Variants in SUGCT observed in about 807,000 individuals in gnomAD.
SUGCT encodes succinyl-CoA:glutarate-CoA transferase.
In SUGCT, 41 loss-of-function variants were observed where a neutral mutation model predicts 55.0. The ratio of observed to expected loss-of-function variants is 0.74; its 90% CI spans 0.58 to 0.97. The LOEUF (loss-of-function observed/expected upper bound fraction) is 0.97, where lower values mean the gene tolerates loss of function less well. Among genes scored for constraint, SUGCT ranks in the 50% least tolerant of loss-of-function variants. The pLI is 0.00. For synonymous variants in SUGCT, 187 were observed against 200.4 expected (o/e 0.93, Z 0.56); for missense variants, 568 against 547.8 (o/e 1.04, Z -0.37).
intron 1 of SUGCT, among the ~76,000 whole-genome samples, chr7:40,157,732 A>T (rs1783966624): frequency 6.6e-6 from 1 of 152,170 alleles, no homozygotes; most frequent in South Asian, 2.1e-4. Context: ...GGCTACTAAT[A>T]GTGGAAAAGT....
At position 40,441,851 on chromosome 7, in the gene SUGCT, A is replaced by G. The variant is rs145772440; in HGVS notation, c.817-7436A>G. On this transcript the variant is annotated intron_variant, in intron 9 of 13. Coordinates refer to ENST00000335693, the MANE Select transcript of SUGCT (RefSeq NM_001193313.2). ...TAATTTGGCAGGCTGAGGGAGAGGGATTTGGTGCTGCTGATTGGTTGGGGA... is the reference window on the plus strand; with the variant it reads ...TAATTTGGCAGGCTGAGGGAGAGGGGTTTGGTGCTGCTGATTGGTTGGGGA... Among the ~76,000 whole-genome samples the G allele has an allele frequency of 2.5e-3, 384 of 152,060 alleles. 1 individual carries two copies. The highest frequency in any genetic ancestry group is 4.0e-3 in the Non-Finnish European group (271 of 67,976).
the SUGCT span, among the ~76,000 whole-genome samples, chr7:40,927,251 T>G: frequency 1.4e-4 from 21 of 152,184 alleles, no homozygotes; most frequent in African/African-American, 4.8e-4. Flanking sequence ...AAAGATAAAA[T>G]AAATTGATTT....
At position 40,682,121 on chromosome 7, in the gene SUGCT, C is replaced by T. The variant is rs1474282281; in HGVS notation, c.1090-67313C>T. ...GGCTAGCTAGGTGCCTGGAATTTCC[C>T]TTGAAGGAGCTCAGGATTTTCCTTT... is the stretch of plus-strand genomic sequence containing the variant. On this transcript the variant is annotated intron_variant, in intron 12 of 13. Transcript: ENST00000335693. Among the ~76,000 whole-genome samples, 4 of 152,172 alleles carry T rather than the reference C, an allele frequency of 2.6e-5. No individual in the cohort carries two copies. In the South Asian group the frequency reaches 6.2e-4, roughly 24 times the overall value.
chr7:40,827,568 T>A (rs1391499409), intron 13 of SUGCT, among the ~76,000 whole-genome samples: 1 of 152,056 alleles, frequency 6.6e-6, no homozygotes, highest in South Asian at 2.1e-4. Flanking sequence ...AGCTCTTAAT[T>A]CCAGCGAAAG....
At chr7:40,989,538 G>A in the SUGCT span, among the ~76,000 whole-genome samples, 1 of 151,806 alleles carries the variant, frequency 6.6e-6, no homozygotes, top group Admixed American at 6.6e-5. Context: ...AGGCCAATGT[G>A]AGCTGATCAC....
At chr7:40,314,114 T>C (rs10278370) in intron 8 of SUGCT, among the ~76,000 whole-genome samples, 85,412 of 151,942 alleles carry the variant, frequency 0.56, 25,356 homozygotes, top group Non-Finnish European at 0.67. Context: ...AAGTCAAAAA[T>C]TGAAAAGAAA....
intron 12 of SUGCT, among the ~76,000 whole-genome samples, chr7:40,680,877 AG>A (rs1784206168): frequency 6.6e-6 from 1 of 152,188 alleles, no homozygotes; most frequent in Non-Finnish European, 1.5e-5. Flanking sequence ...ATGAGTAATG[AG>A]ATGAAGCACC....
chr7:40,754,394 T>C (rs1788156279), intron 13 of SUGCT, among the ~76,000 whole-genome samples: 1 of 152,172 alleles, frequency 6.6e-6, no homozygotes, highest in Non-Finnish European at 1.5e-5. Flanking sequence ...TGCTCTTAAT[T>C]AATATAACCT....
chr7:40,802,141 A>G (rs1790852612), intron 13 of SUGCT, among the ~76,000 whole-genome samples: 1 of 152,240 alleles, frequency 6.6e-6, no homozygotes, highest in Non-Finnish European at 1.5e-5. Context: ...TAGACTATGG[A>G]ATAGTCTCAC....
At position 40,858,253 on chromosome 7, in the gene SUGCT, A is replaced by T. The variant is rs1035843937; in HGVS notation, c.1154-2063A>T. On this transcript the variant is annotated intron_variant, in intron 13 of 13. Transcript: ENST00000335693. ...ACCCCGTCTCTACTAAAAATACAAAATTAGCCGGGCATGGTGGTGCATGCC... is the reference window on the plus strand; with the variant it reads ...ACCCCGTCTCTACTAAAAATACAAATTTAGCCGGGCATGGTGGTGCATGCC... Among the ~76,000 whole-genome samples, 12 of 151,994 alleles carry T rather than the reference A, an allele frequency of 7.9e-5. 1 individual carries two copies. Among genetic ancestry groups the T allele is most frequent in the Non-Finnish European group, 1.8e-4 (12 of 68,012 alleles).
the SUGCT span, among the ~76,000 whole-genome samples, chr7:40,888,391 C>T: frequency 6.6e-6 from 1 of 150,716 alleles, no homozygotes; most frequent in East Asian, 2.0e-4. Context: ...GCGAAAGTTG[C>T]AGTGAGCCGA....
intron 1 of SUGCT, among the ~76,000 whole-genome samples, chr7:40,162,203 G>A (rs1355856534): frequency 6.6e-6 from 1 of 151,994 alleles, no homozygotes; most frequent in African/African-American, 2.4e-5. Context: ...GCCGTGAAGT[G>A]ATTTTCAAAT....
intron 9 of SUGCT, among the ~76,000 whole-genome samples, chr7:40,351,588 C>CTG (rs918184147): frequency 4.6e-5 from 7 of 152,130 alleles, no homozygotes; most frequent in Non-Finnish European, 8.8e-5. Flanking sequence ...TAGGTAATAA[C>CTG]TGTGATCAGA....
At chr7:40,478,527 T>G (rs918064529) in intron 11 of SUGCT, among the ~76,000 whole-genome samples, 9 of 152,180 alleles carry the variant, frequency 5.9e-5, no homozygotes, top group African/African-American at 2.2e-4. Flanking sequence ...TATTGCTGGG[T>G]TTTTTAAAGG....
chr7:40,558,539 G>A (rs755535551), intron 12 of SUGCT, among the ~76,000 whole-genome samples: 3 of 152,196 alleles, frequency 2.0e-5, no homozygotes, highest in Non-Finnish European at 4.4e-5. Context: ...TTCCACATAC[G>A]TGAGGTTCAT....
chr7:40,556,708 A>G (rs1368668204), intron 12 of SUGCT, among the ~76,000 whole-genome samples: 1 of 152,202 alleles, frequency 6.6e-6, no homozygotes, highest in East Asian at 1.9e-4. Flanking sequence ...TTTTTTATTC[A>G]TATACTGAAG....
intron 6 of SUGCT, among the ~76,000 whole-genome samples, chr7:40,233,653 A>G (rs1788849551): frequency 1.3e-5 from 2 of 152,332 alleles, no homozygotes; most frequent in South Asian, 2.1e-4. Context: ...ACCTCAGGGT[A>G]GTTTTCTTTT....
At chr7:40,933,031 T>C in the SUGCT span, among the ~76,000 whole-genome samples, 1 of 152,186 alleles carries the variant, frequency 6.6e-6, no homozygotes, top group Non-Finnish European at 1.5e-5. Context: ...CTAGCATCGA[T>C]GGTCTTTACA....
chr7:40,484,877 G>C (rs1034803), intron 11 of SUGCT, among the ~76,000 whole-genome samples: 21 of 152,046 alleles, frequency 1.4e-4, no homozygotes, highest in Non-Finnish European at 2.9e-4. Flanking sequence ...TCAAGCAGTA[G>C]AAGGTGGTGA....
Sources: gnomAD v4.1 joint callset for allele counts (sites outside exome capture counted in the v4.1 genomes callset) on GRCh38, gnomAD v4.1.1 for gene constraint, MANE v1.5 for transcripts, NCBI Gene and HGNC (gene_info 2026-07-23, HGNC 2026-07-21) for gene names.